EPHA6: variants seen among roughly 807,000 people sequenced by gnomAD.
EPHA6 encodes the protein ephrin type-A receptor 6.
A neutral mutation model predicts 112.0 loss-of-function variants in EPHA6; 50 were observed. The observed-to-expected ratio is 0.45, with a 90% CI of 0.36 to 0.56. The LOEUF (loss-of-function observed/expected upper bound fraction) is 0.56. Ranked by LOEUF, EPHA6 falls within the 20% of genes least tolerant of loss-of-function variation. The pLI is 0.00. For missense variants in EPHA6, 1,280 were observed against 1,417.4 expected (o/e 0.90, Z 1.56); for synonymous variants, 529 against 490.7 (o/e 1.08, Z -1.03).
chr3:97,435,734 C>G (rs2107254081), intron 6 of EPHA6, among the ~76,000 whole-genome samples: 1 of 152,242 alleles, frequency 6.6e-6, no homozygotes, highest in Middle Eastern at 3.4e-3. Flanking sequence ...TAACTTATGG[C>G]TTCATCCTAG....
At chr3:97,543,594 A>C (rs1465692432) in intron 11 of EPHA6, among the ~76,000 whole-genome samples, 1 of 152,116 alleles carries the variant, frequency 6.6e-6, no homozygotes, top group African/African-American at 2.4e-5. Context: ...TTTTGGTTCC[A>C]TATGAACTTT....
intron 7 of EPHA6, among the ~76,000 whole-genome samples, chr3:97,460,982 AAGG>A (rs2090869353): frequency 6.6e-6 from 1 of 152,140 alleles, no homozygotes; most frequent in South Asian, 2.1e-4. Context: ...TAAAGCTGAG[AAGG>A]AGGATAGGGA....
At chr3:97,305,977 A>G in intron 5 of EPHA6, among the ~76,000 whole-genome samples, 1 of 151,982 alleles carries the variant, frequency 6.6e-6, no homozygotes, top group East Asian at 1.9e-4. Flanking sequence ...AGCAAAGTTT[A>G]AAGGCAAAGA....
chr3:96,908,113 A>G (rs1419315644), intron 2 of EPHA6, among the ~76,000 whole-genome samples: 2 of 151,956 alleles, frequency 1.3e-5, no homozygotes, highest in East Asian at 3.9e-4. Context: ...GTATTTGTGT[A>G]TCTAAACATA....
At chr3:97,248,540 A>T (rs1010056846) in intron 5 of EPHA6, among the ~76,000 whole-genome samples, 2 of 152,114 alleles carry the variant, frequency 1.3e-5, no homozygotes. Flanking sequence ...TTCAAAGTGA[A>T]AGACATGGTA....
In EPHA6 at chr3:97,749,586, A is replaced by G. The variant is rs1160347512; in HGVS notation, c.*885A>G. Among the ~76,000 whole-genome samples the G allele has an allele frequency of 6.6e-6, 1 of 152,172 alleles. No homozygotes were observed. Among genetic ancestry groups the G allele is most frequent in the Non-Finnish European group, 1.5e-5 (1 of 68,022 alleles). On this transcript the variant is annotated 3_prime_UTR_variant, in exon 18 of 18. Coordinates refer to ENST00000389672, the MANE Select transcript of EPHA6 (RefSeq NM_001080448.3). ...AAATCCATGACTATTTCCTTTGTGC[A>G]TTGTCACAAGTTTGCAAAAGCAATT...
Position 96,814,875 on chromosome 3 carries a change from A to T in EPHA6, c.252A>T (p.Leu84Phe). 1.3e-6 allele frequency: 2 copies of T among 1,556,868 alleles called. No homozygotes were observed. The highest frequency in any genetic ancestry group is 2.4e-5 in the South Asian group (2 of 84,598). The change falls in exon 1 of 18, where the codon TTA (leucine) becomes TTT (phenylalanine). Residue 84 changes from leucine (L) to phenylalanine (F), a missense_variant. Leu to Phe is a conservative substitution (Grantham distance 22). Coordinates refer to ENST00000389672, the MANE Select transcript of EPHA6 (RefSeq NM_001080448.3). Reference sequence around the variant, plus strand: ...GCCTGCGCTGCCGCCACTTCTCTTTAAGGGAGAGGAAAAGAGAGCCTAGGA... The same window carrying T: ...GCCTGCGCTGCCGCCACTTCTCTTTTAGGGAGAGGAAAAGAGAGCCTAGGA... ...NTCLRCRHFS[L>F]RERKREPRRT...
chr3:96,945,575 C>T (rs2041211875), intron 2 of EPHA6, among the ~76,000 whole-genome samples: 1 of 152,100 alleles, frequency 6.6e-6, no homozygotes, highest in Non-Finnish European at 1.5e-5. Context: ...ATGTAGTTTT[C>T]TCATCTGTAA....
chr3:96,929,664 T>C (rs920766241), intron 2 of EPHA6, among the ~76,000 whole-genome samples: 1 of 152,204 alleles, frequency 6.6e-6, no homozygotes, highest in African/African-American at 2.4e-5. Context: ...ACATTTTTTC[T>C]TTCATTTCAA....
intron 1 of EPHA6, among the ~76,000 whole-genome samples, chr3:96,861,592 T>C (rs2036010516): frequency 6.6e-6 from 1 of 152,006 alleles, no homozygotes; most frequent in African/African-American, 2.4e-5. Context: ...TAGAAAAAGC[T>C]AACATCACTA....
intron 3 of EPHA6, among the ~76,000 whole-genome samples, chr3:97,086,005 G>C (rs1190780428): frequency 1.4e-5 from 2 of 147,554 alleles, no homozygotes; most frequent in Non-Finnish European, 3.0e-5. Flanking sequence ...CGTGATCTCA[G>C]CTCACTGCTA....
At chr3:96,824,120 A>G (rs1242425737) in intron 1 of EPHA6, among the ~76,000 whole-genome samples, 1 of 151,688 alleles carries the variant, frequency 6.6e-6, no homozygotes, top group Non-Finnish European at 1.5e-5. Context: ...AATAAAAATT[A>G]CACATATAAG....
chr3:96,952,032 T>C (rs181913715), intron 2 of EPHA6, among the ~76,000 whole-genome samples: 1 of 152,254 alleles, frequency 6.6e-6, no homozygotes, highest in African/African-American at 2.4e-5. Context: ...ATACTTAATC[T>C]TGACAGTCAA....
intron 3 of EPHA6, among the ~76,000 whole-genome samples, chr3:97,096,820 C>CT (rs1216394967): frequency 7.9e-5 from 12 of 151,678 alleles, no homozygotes; most frequent in Admixed American, 7.2e-4. Flanking sequence ...ATAGTATAAT[C>CT]TTTTTTTATA....
intron 2 of EPHA6, among the ~76,000 whole-genome samples, chr3:96,892,605 T>G (rs1022501513): frequency 2.6e-5 from 4 of 152,058 alleles, no homozygotes; most frequent in Admixed American, 2.6e-4. Flanking sequence ...AAGGAATAAT[T>G]GGTGAGTATT....
intron 3 of EPHA6, among the ~76,000 whole-genome samples, chr3:97,112,977 T>C (rs1260613941): frequency 1.3e-5 from 2 of 152,134 alleles, no homozygotes; most frequent in African/African-American, 4.8e-5. Context: ...CACTCACTTG[T>C]TTTTTCTAAT....
At position 96,836,789 on chromosome 3, in the gene EPHA6, C is replaced by T. The variant is rs28419131; in HGVS notation, c.385+21781C>T. Among the ~76,000 whole-genome samples, 1,281 of 152,216 alleles carry T rather than the reference C, an allele frequency of 8.4e-3. 19 individuals are homozygous for T. Among genetic ancestry groups the T allele is most frequent in the African/African-American group, 0.029 (1,202 of 41,546 alleles). On this transcript the variant is annotated intron_variant, in intron 1 of 17. Coordinates refer to ENST00000389672, the MANE Select transcript of EPHA6 (RefSeq NM_001080448.3). ...TCCTGCAGCAGCATCTGACAGTGCA[C>T]CTTATTCTGTGCTGCCAACACACAT...
chr3:97,060,923 C>CAA (rs71623565), intron 3 of EPHA6, among the ~76,000 whole-genome samples: 1,464 of 21,198 alleles, frequency 0.069, 389 homozygotes, highest in Non-Finnish European at 0.083. Flanking sequence ...GACTCCGTCT[C>CAA]AAAAAAAAAA....
In EPHA6 at chr3:97,148,488, T is replaced by C. The variant is rs1360010970; in HGVS notation, c.1115-77776T>C. On this transcript the variant is annotated intron_variant, in intron 3 of 17. Coordinates refer to ENST00000389672, the MANE Select transcript of EPHA6 (RefSeq NM_001080448.3). ...TGTCTTGAAAAAAATGCATATCTTT[T>C]TCAAAAATTTGAGGGAAAGTTAGAA... is the stretch of plus-strand genomic sequence containing the variant. Among the ~76,000 whole-genome samples the C allele has an allele frequency of 2.6e-5, 4 of 152,202 alleles. No individual in the cohort carries two copies. In the East Asian group the frequency reaches 7.7e-4, roughly 29 times the overall value.
Sources: gnomAD v4.1 joint callset for allele counts (sites outside exome capture counted in the v4.1 genomes callset) on GRCh38, gnomAD v4.1.1 for gene constraint, MANE v1.5 for transcripts, NCBI Gene and HGNC (gene_info 2026-07-23, HGNC 2026-07-21) for gene names.